The following LMF1 variants were observed in gnomAD, a reference collection of about 807,000 sequenced individuals.
LMF1 encodes lipase maturation factor 1.
Under a neutral mutation model 60.6 loss-of-function variants are expected in LMF1, and 68 were observed. The observed-to-expected ratio is 1.12, with a 90% CI of 0.92 to 1.37. LMF1 has a LOEUF of 1.37. Ranked by LOEUF, LMF1 falls within the 40% of genes most tolerant of loss-of-function variation. The pLI is 0.00. For missense variants in LMF1, 948 were observed against 767.2 expected, an observed-to-expected ratio of 1.24 and a Z score of -2.78; for synonymous variants, 418 against 324.7, an observed-to-expected ratio of 1.29 and a Z score of -3.09.
At chr16:965,632 C>G (rs190875653) in intron 1 of LMF1, among the ~76,000 whole-genome samples, 206 of 152,260 alleles carry the variant, frequency 1.4e-3, no homozygotes, top group Non-Finnish European at 2.2e-3. Flanking sequence ...CAAGTTGGTC[C>G]TTTCTGGAAA....
At chr16:856,077 C>T (rs1445880100) in intron 10 of LMF1, 2 of 412,044 alleles carry the variant, frequency 4.9e-6, no homozygotes, top group Non-Finnish European at 9.7e-6. Context: ...GAGGGATCAG[C>T]AGCTCCAAGA....
chr16:952,959 A>G (rs1161882428), intron 2 of LMF1, among the ~76,000 whole-genome samples: 2 of 95,608 alleles, frequency 2.1e-5, no homozygotes, highest in Admixed American at 9.5e-5. Context: ...CTGCACGTCC[A>G]CACAGACACC....
intron 3 of LMF1, among the ~76,000 whole-genome samples, chr16:932,261 A>G (rs2071810784): frequency 6.6e-6 from 1 of 151,882 alleles, no homozygotes; most frequent in Non-Finnish European, 1.5e-5. Flanking sequence ...AGGCCCTCTC[A>G]TCCTCAGCGA....
At chr16:932,703 A>T (rs1389079395) in intron 3 of LMF1, among the ~76,000 whole-genome samples, 2 of 152,218 alleles carry the variant, frequency 1.3e-5, no homozygotes, top group Non-Finnish European at 2.9e-5. Context: ...TATAGGCATA[A>T]GCCACTGCAC....
rs2069695230 is a variant in LMF1, at chr16:869,015, C to T, written c.1458G>A (p.Lys486=). 6.2e-7 allele frequency: 1 copy of T among 1,612,726 alleles called. No homozygotes were observed. Among genetic ancestry groups the T allele is most frequent in the South Asian group, 1.1e-5 (1 of 91,082 alleles). ...HNDWIIHLAG[K]LLASDAEALS... ...AGGCCTCGGCGTCGCTGGCCAGGAG[C>T]TTGCCAGCCAGGTGGATGATCCAGT... The change falls in exon 10 of 11, where the codon AAG becomes AAA. Residue 486 remains lysine, a synonymous_variant. Transcript: ENST00000262301.
chr16:950,778 CGACAGAGTCAGCCAAT>C lies in LMF1; in HGVS notation c.503+3563_503+3578del, dbSNP rs2072435168. On this transcript the variant is annotated intron_variant, in intron 2 of 10. Coordinates refer to ENST00000262301, the MANE Select transcript of LMF1 (RefSeq NM_022773.4). Reference sequence around the variant, plus strand: ...GAGCCAACGACAGAGTCAGAGCCAACGACAGAGTCAGCCAATGACAGAGTCAGACGACAGAGTCAGC... The same window carrying C: ...GAGCCAACGACAGAGTCAGAGCCAACGACAGAGTCAGACGACAGAGTCAGC... 7.5e-5 allele frequency among the ~76,000 whole-genome samples: 7 copies of C among 93,504 alleles called. 1 individual carries two copies. Among genetic ancestry groups the C allele is most frequent in the African/African-American group, 2.0e-4 (3 of 15,194 alleles). The allele number at this position is 93,504 out of a possible 152,430, so 61.3% of individuals were successfully genotyped here.
chr16:934,668 G>A (rs2071889229), intron 2 of LMF1, among the ~76,000 whole-genome samples: 1 of 152,262 alleles, frequency 6.6e-6, no homozygotes, highest in Admixed American at 6.5e-5. Context: ...AGGAATTGGT[G>A]GGAAAGGCTG....
At chr16:917,392 C>G (rs9934394) in intron 3 of LMF1, among the ~76,000 whole-genome samples, 1 of 133,970 alleles carries the variant, frequency 7.5e-6, no homozygotes, top group Non-Finnish European at 1.5e-5. Flanking sequence ...GCGCTGCGGG[C>G]GGGCGCAGGC....
At position 874,505 on chromosome 16, in the gene LMF1, G is replaced by A. The variant is rs751451399; in HGVS notation, c.898-3164C>T. ...TGGAGGCTGATGGCTCCCGTGGGGTGCTGGCTGGGCGGCCGGGCTCTGCGG... is the reference window on the plus strand; with the variant it reads ...TGGAGGCTGATGGCTCCCGTGGGGTACTGGCTGGGCGGCCGGGCTCTGCGG... On this transcript the variant is annotated intron_variant, in intron 6 of 10. Transcript: ENST00000262301. This position sits in a 1 kb window ranked among gnomAD's most constrained non-coding sequence, Gnocchi z 4.1. Among the ~76,000 whole-genome samples, 22 of 152,210 alleles carry A rather than the reference G, an allele frequency of 1.4e-4. No individual in the cohort carries two copies. The highest frequency in any genetic ancestry group is 3.1e-4 in the Non-Finnish European group (21 of 68,018).
chr16:974,886 C>T (rs2073105755), upstream of LMF1, among the ~76,000 whole-genome samples: 1 of 152,228 alleles, frequency 6.6e-6, no homozygotes, highest in Non-Finnish European at 1.5e-5. Flanking sequence ...CCTTCATTTA[C>T]CCCAATTTTT....
intron 1 of LMF1, 41 bp from the exon 2 acceptor site, chr16:954,707 A>G: frequency 6.5e-7 from 1 of 1,538,156 alleles, no homozygotes. Context: ...ACTAGGAACA[A>G]ACCACATGTG....
chr16:869,904 C>T lies in LMF1; in HGVS notation c.1395G>A (p.Leu465=). ...ISPYHYRLDW[L]MWFAAFQTYE... Reference sequence around the variant, plus strand: ...CCACCTGGAAGGCCGCGAACCACATCAGCCAGTCCAGGCGGTAGTGGTACG... The same window carrying T: ...CCACCTGGAAGGCCGCGAACCACATTAGCCAGTCCAGGCGGTAGTGGTACG... Residue 465 remains leucine, a synonymous_variant, in exon 9 of 11, where the codon CTG becomes CTA. Transcript: ENST00000262301. 1 of 1,612,898 alleles carries T rather than the reference C, an allele frequency of 6.2e-7. No individual in the cohort carries two copies.
At chr16:862,893 T>C (rs1224643119) in intron 10 of LMF1, among the ~76,000 whole-genome samples, 3 of 152,194 alleles carry the variant, frequency 2.0e-5, no homozygotes, top group African/African-American at 7.2e-5. Context: ...AAAACGTAAA[T>C]TGATGCTTTT....
chr16:963,466 T>C (rs1454160906), intron 1 of LMF1, among the ~76,000 whole-genome samples: 6 of 152,056 alleles, frequency 3.9e-5, no homozygotes, highest in East Asian at 1.9e-4. Context: ...TGTCCATGTG[T>C]GCACGGGTGT....
chr16:907,654 G>A (rs894288956), intron 4 of LMF1, among the ~76,000 whole-genome samples: 5 of 152,120 alleles, frequency 3.3e-5, no homozygotes, highest in African/African-American at 9.7e-5. Context: ...ACGGTGCGGC[G>A]CTGGTTGTGA....
In LMF1 at chr16:910,911, C is replaced by T. The variant is rs200608546; in HGVS notation, c.663+20G>A. On this transcript the variant is annotated intron_variant, in intron 4 of 10. Transcript: ENST00000262301. ...AGCCACCGTTATTCCCCAAACACCA[C>T]GCAGAAGAGCTCCACTTACTGCTCC... is the stretch of plus-strand genomic sequence containing the variant. 229 of 1,611,972 alleles carry T rather than the reference C, an allele frequency of 1.4e-4. 2 individuals carry two copies. The South Asian group carries it at 1.5e-3, about 10-fold the overall frequency.
chr16:891,272 G>T (rs1307632286), intron 5 of LMF1, among the ~76,000 whole-genome samples: 1 of 152,222 alleles, frequency 6.6e-6, no homozygotes, highest in Non-Finnish European at 1.5e-5. Context: ...TCCTGGCCAG[G>T]TGAGTCCTGG....
At chr16:949,620 T>A (rs1240852220) in intron 2 of LMF1, among the ~76,000 whole-genome samples, 2 of 79,212 alleles carry the variant, frequency 2.5e-5, no homozygotes, top group Non-Finnish European at 2.2e-5. Flanking sequence ...GACGACAGAG[T>A]CAGAGCCAAT....
intron 4 of LMF1, 90 bp from the exon 5 acceptor site, chr16:893,162 T>C: frequency 1.7e-6 from 2 of 1,145,786 alleles, no homozygotes; most frequent in Non-Finnish European, 2.6e-6. Context: ...AGACGAACCA[T>C]CCACGAAGGC....
Sources: gnomAD v4.1 joint callset for allele counts (sites outside exome capture counted in the v4.1 genomes callset) on GRCh38, gnomAD v4.1.1 for gene constraint, Gnocchi (gnomAD v3.1) non-coding constraint, MANE v1.5 for transcripts, NCBI Gene and HGNC (gene_info 2026-07-23, HGNC 2026-07-21) for gene names.